Variants in SEC11C observed in about 807,000 individuals in gnomAD.
The protein encoded by SEC11C is signal peptidase complex catalytic subunit SEC11C.
A neutral mutation model predicts 21.9 loss-of-function variants in SEC11C; 10 were observed. That is an observed-to-expected ratio of 0.46 (90% CI 0.28 to 0.77). SEC11C has a LOEUF of 0.77. SEC11C is among the 30% of genes least tolerant of loss of function. SEC11C has a pLI of 0.12. For missense variants in SEC11C, 145 were observed against 244.5 expected, an observed-to-expected ratio of 0.59 and a Z score of 2.71; for synonymous variants, 83 against 85.6, an observed-to-expected ratio of 0.97 and a Z score of 0.17.
At chr18:59,140,094 C>A (rs1421288022) in intron 1 of SEC11C, 59 bp downstream of exon 1, 3 of 1,432,526 alleles carry the variant, frequency 2.1e-6, no homozygotes, top group Non-Finnish European at 2.8e-6. Context: ...AGCGGGGAGT[C>A]GGGGCTTCCC....
intron 3 of SEC11C, among the ~76,000 whole-genome samples, chr18:59,153,679 T>C (rs909656187): frequency 2.0e-5 from 3 of 151,688 alleles, no homozygotes; most frequent in African/African-American, 7.3e-5. Context: ...GCCTCTCGAG[T>C]AGCTGGGACT....
chr18:59,155,519 G>T, intron 3 of SEC11C, 169 bp from the exon 4 acceptor site: 1 of 576,008 alleles, frequency 1.7e-6, no homozygotes, highest in Non-Finnish European at 2.9e-6. Flanking sequence ...TTGTGCTTCA[G>T]TTGAATGGTT....
chr18:59,139,897 C>G lies in SEC11C; in HGVS notation c.-52C>G, dbSNP rs528716578. ...GCGGGGGCCGGCAGGTGCTCCGCAG[C>G]CGTCTGTGCCACCCAGAGCCGGCGG... On this transcript the variant is annotated 5_prime_UTR_variant, in exon 1 of 6. Transcript: ENST00000587834. 7.4e-7 allele frequency: 1 copy of G among 1,348,656 alleles called. No homozygotes were observed. The highest frequency in any genetic ancestry group is 9.8e-7 in the Non-Finnish European group (1 of 1,021,022). The allele number at this position is 1,348,656 out of a possible 1,614,324, so 83.5% of individuals were successfully genotyped here. A position where few individuals can be genotyped will look rare whatever the true frequency, so the allele number is the denominator to read the frequency against.
chr18:59,143,954 C>T (rs1013258568), intron 1 of SEC11C, among the ~76,000 whole-genome samples: 10 of 151,746 alleles, frequency 6.6e-5, no homozygotes, highest in African/African-American at 1.9e-4. Flanking sequence ...CGGGTTCAAG[C>T]GATTCTTGTG....
rs9954797 is a variant in SEC11C, at chr18:59,148,715, G to A, written c.88-798G>A. On this transcript the variant is annotated intron_variant, in intron 1 of 5. Transcript: ENST00000587834. ...TGCAAGCTCTGCCTCCCGGGTTCACGCCATTCTCCTGCCTCCGGCTCCCAA... is the reference window on the plus strand; with the variant it reads ...TGCAAGCTCTGCCTCCCGGGTTCACACCATTCTCCTGCCTCCGGCTCCCAA... Among the ~76,000 whole-genome samples the A allele has an allele frequency of 2.2e-4, 33 of 151,750 alleles. 1 individual carries two copies. The highest frequency in any genetic ancestry group is 7.3e-4 in the African/African-American group (30 of 41,276).
chr18:59,142,732 G>A (rs986813873), intron 1 of SEC11C, among the ~76,000 whole-genome samples: 6 of 152,006 alleles, frequency 3.9e-5, no homozygotes, highest in African/African-American at 1.5e-4. Context: ...GATTTTTTCC[G>A]TTATGCTCTT....
At chr18:59,155,095 C>A (rs908720853) in intron 3 of SEC11C, among the ~76,000 whole-genome samples, 3 of 152,042 alleles carry the variant, frequency 2.0e-5, no homozygotes, top group Non-Finnish European at 4.4e-5. Context: ...AAACAAAAAA[C>A]CAAATTGTTC....
intron 4 of SEC11C, chr18:59,156,848 A>G (rs569963101): frequency 6.6e-6 from 1 of 152,314 alleles, no homozygotes; most frequent in East Asian, 1.9e-4. Context: ...TTTCACTTGA[A>G]CATCTCCGGG....
intron 1 of SEC11C, among the ~76,000 whole-genome samples, chr18:59,141,919 T>C (rs1162697927): frequency 2.0e-5 from 3 of 152,244 alleles, no homozygotes; most frequent in African/African-American, 4.8e-5. Context: ...CTCTTAGACA[T>C]TGGCTGTTTC....
chr18:59,148,395 G>A (rs2069304241), intron 1 of SEC11C, among the ~76,000 whole-genome samples: 1 of 151,966 alleles, frequency 6.6e-6, no homozygotes, highest in Admixed American at 6.6e-5. Flanking sequence ...ACATGGGCAG[G>A]TGTTGTTTTC....
At chr18:59,147,592 G>T (rs558919303) in intron 1 of SEC11C, 4 of 152,538 alleles carry the variant, frequency 2.6e-5, no homozygotes, top group African/African-American at 7.2e-5. Flanking sequence ...GGCACTGGGG[G>T]AGGCTGTGGC....
intron 3 of SEC11C, among the ~76,000 whole-genome samples, chr18:59,154,552 T>C (rs1208766965): frequency 3.3e-5 from 5 of 152,222 alleles, no homozygotes; most frequent in Non-Finnish European, 7.3e-5. Flanking sequence ...ACTGGTGTTA[T>C]GCCATTTGTG....
At chr18:59,149,476 A>G (rs2069320465) in intron 1 of SEC11C, 37 bp from the exon 2 acceptor site, 2 of 1,363,930 alleles carry the variant, frequency 1.5e-6, no homozygotes, top group African/African-American at 1.4e-5. Flanking sequence ...ATCTTCTGCT[A>G]TTGGTTTTCA....
At position 59,144,726 on chromosome 18, in the gene SEC11C, TA is replaced by T. The variant is rs5825314; in HGVS notation, c.87+4714del. Among the ~76,000 whole-genome samples the T allele has an allele frequency of 8.3e-3, 815 of 98,586 alleles. 3 individuals are homozygous for T. Among genetic ancestry groups the T allele is most frequent in the Middle Eastern group, 0.016 (3 of 190 alleles). The allele number at this position is 98,586 out of a possible 152,430, so 64.7% of individuals were successfully genotyped here. A position where few individuals can be genotyped will look rare whatever the true frequency, so the allele number is the denominator to read the frequency against. On this transcript the variant is annotated intron_variant, in intron 1 of 5. Coordinates refer to ENST00000587834, the MANE Select transcript of SEC11C (RefSeq NM_033280.4). ...GGCCACAGACTGAAACCTTGTATCTTAAAAAAAAAAAAAAAAAAAAAAAGTT... is the reference window on the plus strand; with the variant it reads ...GGCCACAGACTGAAACCTTGTATCTTAAAAAAAAAAAAAAAAAAAAAAGTT...
chr18:59,140,117 G>A lies in SEC11C; in HGVS notation c.87+82G>A, dbSNP rs1022648349. 14 of 1,273,878 alleles carry A rather than the reference G, an allele frequency of 1.1e-5. 1 individual carries two copies. In the African/African-American group the frequency reaches 1.7e-4, roughly 16 times the overall value. The allele number at this position is 1,273,878 out of a possible 1,614,324, so 78.9% of individuals were successfully genotyped here. ...GTCGGGGCTTCCCAGTCAGGGCTCC[G>A]GCTCCCAGTGAATGCGGCCGGGCGG... On this transcript the variant is annotated intron_variant, in intron 1 of 5. Coordinates refer to ENST00000587834, the MANE Select transcript of SEC11C (RefSeq NM_033280.4).
intron 1 of SEC11C, among the ~76,000 whole-genome samples, chr18:59,148,425 TG>T (rs143792754): frequency 0.074 from 11,230 of 152,224 alleles, 674 homozygotes; most frequent in African/African-American, 0.16. Flanking sequence ...CACCAGGAGT[TG>T]GCAGGTGCAG....
intron 1 of SEC11C, 55 bp from the exon 2 acceptor site, chr18:59,149,458 G>A: frequency 1.7e-6 from 2 of 1,167,492 alleles, no homozygotes; most frequent in South Asian, 2.5e-5. Flanking sequence ...AGCTTCACAG[G>A]TTGGTGGATC....
chr18:59,155,569 A>G, intron 3 of SEC11C, 119 bp from the exon 4 acceptor site: 1 of 1,023,132 alleles, frequency 9.8e-7, no homozygotes, highest in South Asian at 1.6e-5. Flanking sequence ...AGGTCAGGTT[A>G]TCTTTGACTG....
At chr18:59,142,928 A>G (rs1031765028) in intron 1 of SEC11C, among the ~76,000 whole-genome samples, 1 of 152,226 alleles carries the variant, frequency 6.6e-6, no homozygotes, top group East Asian at 1.9e-4. Context: ...AGAAGAAGCA[A>G]TGGTTTAACA....
Sources: allele counts gnomAD v4.1 joint callset (sites outside exome capture counted in the v4.1 genomes callset), GRCh38; gene constraint gnomAD v4.1.1; transcripts MANE v1.5; gene names NCBI Gene and HGNC (gene_info 2026-07-23, HGNC 2026-07-21).